Variants in AUTS2 observed in about 807,000 individuals in gnomAD.
AUTS2 encodes activator of transcription and developmental regulator AUTS2, also known as autism susceptibility gene 2 protein.
AUTS2 carries 17 observed loss-of-function variants against 112.4 expected under a neutral mutation model. The observed-to-expected ratio is 0.15, with a 90% CI of 0.10 to 0.23. The LOEUF is 0.23. AUTS2 is among the 10% of genes least tolerant of loss of function. The pLI is 1.00. For missense variants in AUTS2, 1,510 were observed against 1,701.6 expected, an observed-to-expected ratio of 0.89 and a Z score of 1.98; for synonymous variants, 751 against 702.7, an observed-to-expected ratio of 1.07 and a Z score of -1.09.
chr7:70,339,902 A>T (rs1791177817), intron 4 of AUTS2, among the ~76,000 whole-genome samples: 1 of 152,176 alleles, frequency 6.6e-6, no homozygotes, highest in South Asian at 2.1e-4. Context: ...AAGTTCAGGC[A>T]AAATACCGCT....
At chr7:70,630,439 G>C (rs528446139) in intron 5 of AUTS2, among the ~76,000 whole-genome samples, 2 of 152,234 alleles carry the variant, frequency 1.3e-5, no homozygotes. Context: ...AGTAAATTGT[G>C]TTCTCGGCTC....
At chr7:70,216,186 T>C (rs1811156645) in intron 4 of AUTS2, among the ~76,000 whole-genome samples, 1 of 152,186 alleles carries the variant, frequency 6.6e-6, no homozygotes, top group African/African-American at 2.4e-5. Flanking sequence ...ATACCTCAAA[T>C]TATAGTTAGT....
chr7:70,452,182 G>T (rs1796562026), intron 5 of AUTS2, among the ~76,000 whole-genome samples: 2 of 151,980 alleles, frequency 1.3e-5, no homozygotes, highest in Admixed American at 1.3e-4. Context: ...GAATTATATG[G>T]CCCATAATAG....
chr7:69,888,241 A>T (rs1003134340), intron 1 of AUTS2, among the ~76,000 whole-genome samples: 2 of 151,708 alleles, frequency 1.3e-5, no homozygotes, highest in African/African-American at 4.8e-5. Context: ...TGCAGACTGT[A>T]CAAGAAGAAT....
intron 4 of AUTS2, among the ~76,000 whole-genome samples, chr7:70,400,935 A>C (rs1165065318): frequency 6.6e-6 from 1 of 152,194 alleles, no homozygotes; most frequent in African/African-American, 2.4e-5. Context: ...TTAATCTGGC[A>C]GCAGCGTACA....
intron 1 of AUTS2, among the ~76,000 whole-genome samples, chr7:69,813,097 C>T (rs1268709572): frequency 6.6e-6 from 1 of 152,184 alleles, no homozygotes; most frequent in Non-Finnish European, 1.5e-5. Flanking sequence ...TGCTATCTCT[C>T]ACCCCATCTC....
At chr7:70,275,876 G>A (rs542219660) in intron 4 of AUTS2, among the ~76,000 whole-genome samples, 4 of 152,184 alleles carry the variant, frequency 2.6e-5, no homozygotes, top group Non-Finnish European at 5.9e-5. Flanking sequence ...ATGCAGAACT[G>A]TGAGTCACTT....
chr7:70,456,219 T>C (rs565165520), intron 5 of AUTS2, among the ~76,000 whole-genome samples: 2 of 152,306 alleles, frequency 1.3e-5, no homozygotes, highest in African/African-American at 4.8e-5. Context: ...TCCATCCATG[T>C]AAGATTTACA....
At chr7:70,362,166 T>C (rs745907565) in intron 4 of AUTS2, among the ~76,000 whole-genome samples, 1 of 152,224 alleles carries the variant, frequency 6.6e-6, no homozygotes, top group Non-Finnish European at 1.5e-5. Context: ...TGGTTCCTTT[T>C]AACATCAGAT....
At chr7:69,700,238 ATG>A (rs1418404425) in intron 1 of AUTS2, among the ~76,000 whole-genome samples, 19 of 152,234 alleles carry the variant, frequency 1.2e-4, no homozygotes, top group Admixed American at 1.2e-3. Flanking sequence ...ATTATTTACT[ATG>A]TCCAAGATCT....
chr7:70,371,163 G>A (rs766909080), intron 4 of AUTS2, among the ~76,000 whole-genome samples: 4 of 152,120 alleles, frequency 2.6e-5, no homozygotes, highest in East Asian at 3.9e-4. Flanking sequence ...TTGGCAACAC[G>A]AAGTTAGGTT....
At chr7:70,538,204 T>C (rs1800400189) in intron 5 of AUTS2, among the ~76,000 whole-genome samples, 1 of 152,058 alleles carries the variant, frequency 6.6e-6, no homozygotes, top group Non-Finnish European at 1.5e-5. Flanking sequence ...ACCACTGTAC[T>C]TCAGCCTGGG....
At chr7:69,900,037 A>G (rs957499903) in intron 2 of AUTS2, among the ~76,000 whole-genome samples, 2 of 152,182 alleles carry the variant, frequency 1.3e-5, no homozygotes, top group African/African-American at 4.8e-5. Context: ...ATAATTCAAG[A>G]CTATCTTTGT....
intron 2 of AUTS2, among the ~76,000 whole-genome samples, chr7:70,057,933 C>G (rs1276199499): frequency 6.6e-6 from 1 of 152,122 alleles, no homozygotes; most frequent in African/African-American, 2.4e-5. Context: ...TTTAAGGGTT[C>G]TCATGGTAAG....
chr7:70,328,493 A>C (rs958820640), intron 4 of AUTS2, among the ~76,000 whole-genome samples: 12 of 152,122 alleles, frequency 7.9e-5, no homozygotes, highest in African/African-American at 2.9e-4. Context: ...AAATGCTGAG[A>C]GTGCAGGTGT....
intron 2 of AUTS2, among the ~76,000 whole-genome samples, chr7:69,997,632 A>G (rs1047039021): frequency 9.9e-5 from 15 of 152,154 alleles, no homozygotes; most frequent in African/African-American, 3.1e-4. Context: ...GGGGGATCCA[A>G]TGTGTCAGAA....
At position 70,173,920 on chromosome 7, in the gene AUTS2, A is replaced by G. The variant is rs370915189; in HGVS notation, c.660+39349A>G. Among the ~76,000 whole-genome samples the G allele has an allele frequency of 1.3e-4, 20 of 152,022 alleles. No individual in the cohort carries two copies. The East Asian group carries it at 2.3e-3, about 18-fold the overall frequency. ...TTCCTATTCCCTGAGACACAACAAT[A>G]TTGAAATTAGGTCAGTTAATAACAC... On this transcript the variant is annotated intron_variant, in intron 4 of 18. Coordinates refer to ENST00000342771, the MANE Select transcript of AUTS2 (RefSeq NM_015570.4).
chr7:70,014,683 T>C (rs1584579604), intron 2 of AUTS2, among the ~76,000 whole-genome samples: 1 of 152,356 alleles, frequency 6.6e-6, no homozygotes, highest in South Asian at 2.1e-4. Flanking sequence ...TTTGTGTGCA[T>C]TCACGTAGAC....
intron 4 of AUTS2, among the ~76,000 whole-genome samples, chr7:70,303,746 C>G (rs1466411333): frequency 6.6e-6 from 1 of 152,178 alleles, no homozygotes; most frequent in Non-Finnish European, 1.5e-5. Flanking sequence ...TACATGTTCC[C>G]TTACTGCTAG....
Sources: gnomAD v4.1 joint callset for allele counts (sites outside exome capture counted in the v4.1 genomes callset) on GRCh38, gnomAD v4.1.1 for gene constraint, MANE v1.5 for transcripts, NCBI Gene and HGNC (gene_info 2026-07-23, HGNC 2026-07-21) for gene names.